The following FYB2 variants were observed in gnomAD, a reference collection of about 807,000 sequenced individuals.
FYB2 encodes FYN-binding protein 2.
FYB2 carries 103 observed loss-of-function variants against 94.1 expected under a neutral mutation model. The observed-to-expected ratio is 1.09, with a 90% CI of 0.93 to 1.29. FYB2 has a LOEUF of 1.29. Among genes scored for constraint, FYB2 ranks in the 50% most tolerant of loss-of-function variants. FYB2 has a pLI of 0.00. For missense variants in FYB2, 896 were observed against 841.5 expected, an observed-to-expected ratio of 1.06 and a Z score of -0.80; for synonymous variants, 293 against 287.9, an observed-to-expected ratio of 1.02 and a Z score of -0.18.
chr1:56,746,187 G>C (rs1346432236), intron 9 of FYB2, among the ~76,000 whole-genome samples: 1 of 151,918 alleles, frequency 6.6e-6, no homozygotes, highest in East Asian at 1.9e-4. Context: ...ATTTTTGCCT[G>C]TTCACTGCTA....
chr1:56,791,943 G>A, intron 2 of FYB2, 113 bp downstream of exon 2: 2 of 1,412,360 alleles, frequency 1.4e-6, no homozygotes, highest in Admixed American at 2.5e-5. Flanking sequence ...TGGAGAGTCT[G>A]GAGCCACATT....
chr1:56,813,130 C>T (rs1406732940), intron 1 of FYB2, among the ~76,000 whole-genome samples: 2 of 152,162 alleles, frequency 1.3e-5, no homozygotes, highest in African/African-American at 4.8e-5. Context: ...TCTCTCCAGG[C>T]TCAAATTCCC....
intron 5 of FYB2, among the ~76,000 whole-genome samples, chr1:56,759,736 T>C (rs1313759369): frequency 6.6e-6 from 1 of 152,092 alleles, no homozygotes; most frequent in Non-Finnish European, 1.5e-5. Flanking sequence ...TCTATAAAAA[T>C]TGACCAATTG....
At chr1:56,739,604 G>C (rs6588649) in intron 13 of FYB2, among the ~76,000 whole-genome samples, 34,098 of 151,952 alleles carry the variant, frequency 0.22, 4,740 homozygotes, top group African/African-American at 0.39. Flanking sequence ...CTACACAGAT[G>C]TTCCCAGCCT....
chr1:56,789,135 C>A lies in FYB2; in HGVS notation c.758-1G>T, dbSNP rs1297880982. On this transcript the variant is annotated splice_acceptor_variant, in intron 2 of 19. Transcript: ENST00000343433. LOFTEE classifies it high-confidence loss of function. ...TGATGCCTGACATCTGGCTGTTTTTCTGAACACAAGACAGTAAAAAATGTA... is the reference window on the plus strand; with the variant it reads ...TGATGCCTGACATCTGGCTGTTTTTATGAACACAAGACAGTAAAAAATGTA... The A allele has an allele frequency of 1.3e-6, 2 of 1,577,468 alleles. No individual in the cohort carries two copies. The highest frequency in any genetic ancestry group is 1.7e-6 in the Non-Finnish European group (2 of 1,164,496).
chr1:56,739,465 C>G (rs1644902433), intron 13 of FYB2, among the ~76,000 whole-genome samples: 1 of 152,014 alleles, frequency 6.6e-6, no homozygotes, highest in African/African-American at 2.4e-5. Flanking sequence ...CCACAAAACT[C>G]TGAGGCTTTA....
At position 56,792,596 on chromosome 1, in the gene FYB2, G is replaced by T. The variant is rs1646297242; in HGVS notation, c.217C>A (p.Pro73Thr). 1.9e-6 allele frequency: 3 copies of T among 1,613,970 alleles called. No homozygotes were observed. The African/African-American group carries it at 4.0e-5, about 22-fold the overall frequency. ...AACTTTATTTTCTGAGGTTGAAGAG[G>T]CTGGGACTCACTACTGGAACAGTAT... ...TPYCSSSESQPLQPQKIKLAQ... is the reference protein window; with the variant it reads ...TPYCSSSESQTLQPQKIKLAQ... Residue 73 changes from proline (P) to threonine (T), a missense_variant, in exon 2 of 20, where the codon CCT (proline) becomes ACT (threonine). By Grantham distance (38) the Pro-to-Thr change is conservative. Coordinates refer to ENST00000343433, the MANE Select transcript of FYB2 (RefSeq NM_001004303.5).
At position 56,819,326 on chromosome 1, in the gene FYB2, C is replaced by A; in HGVS notation, c.-36G>T. Reference sequence around the variant, plus strand: ...CAAGGCAGAGTCAGGGAAACAAGCCCAGCCTCTCAGAGCTGGGTCCTGGGG... The same window carrying A: ...CAAGGCAGAGTCAGGGAAACAAGCCAAGCCTCTCAGAGCTGGGTCCTGGGG... On this transcript the variant is annotated 5_prime_UTR_variant, in exon 1 of 20. Coordinates refer to ENST00000343433, the MANE Select transcript of FYB2 (RefSeq NM_001004303.5). 6.2e-7 allele frequency: 1 copy of A among 1,614,062 alleles called. No individual in the cohort carries two copies. Among genetic ancestry groups the A allele is most frequent in the Non-Finnish European group, 8.5e-7 (1 of 1,180,006 alleles).
intron 3 of FYB2, chr1:56,788,761 A>C (rs1056846812): frequency 1.7e-6 from 1 of 605,562 alleles, no homozygotes; most frequent in Non-Finnish European, 2.9e-6. Context: ...CAGTGCTCTC[A>C]GGGGAAGTGG....
At chr1:56,787,662 C>T (rs1646163896) in intron 3 of FYB2, among the ~76,000 whole-genome samples, 2 of 152,148 alleles carry the variant, frequency 1.3e-5, no homozygotes, top group Non-Finnish European at 2.9e-5. Flanking sequence ...TCAGTGGTAT[C>T]CCCATTTTAC....
intron 9 of FYB2, among the ~76,000 whole-genome samples, chr1:56,744,777 A>G (rs1645033166): frequency 6.6e-6 from 1 of 151,966 alleles, no homozygotes; most frequent in South Asian, 2.1e-4. Context: ...CAGGTTAACA[A>G]ATGTATAGGG....
upstream of FYB2, among the ~76,000 whole-genome samples, chr1:56,822,523 C>T (rs4912228): frequency 0.44 from 66,173 of 151,960 alleles, 15,275 homozygotes; most frequent in East Asian, 0.58. Flanking sequence ...GCAGGGATGA[C>T]GTGCCATACT....
chr1:56,767,033 G>C (rs1278000365), intron 5 of FYB2, among the ~76,000 whole-genome samples: 1 of 152,118 alleles, frequency 6.6e-6, no homozygotes. Context: ...CAATCTTTCT[G>C]ATGTTCAGTT....
chr1:56,737,323 T>C (rs541488463), intron 14 of FYB2, 176 bp from the exon 15 acceptor site: 2 of 440,110 alleles, frequency 4.5e-6, no homozygotes, highest in South Asian at 1.1e-4. Context: ...AAATATTCTC[T>C]ATTTGGGAAG....
chr1:56,720,266 T>G lies in FYB2; in HGVS notation c.2038A>C (p.Ile680Leu). The change falls in exon 18 of 20, where the codon ATA becomes CTA. Residue 680 changes from isoleucine (I) to leucine (L), a missense_variant. Physicochemically the swap from Ile to Leu is conservative, Grantham distance 5. Transcript: ENST00000343433. ...CCAGGACTTATTGGCAAATCAAATA[T>G]TCCATTTCTTGAATTATTGGAACAG... Reference protein sequence around the residue: ...VACSNNSRNGIFDLPISPGEE... With the variant: ...VACSNNSRNGLFDLPISPGEE... 6.2e-7 allele frequency: 1 copy of G among 1,612,108 alleles called. No homozygotes were observed. Among genetic ancestry groups the G allele is most frequent in the South Asian group, 1.1e-5 (1 of 90,922 alleles).
chr1:56,776,732 C>T (rs979461196), intron 4 of FYB2, among the ~76,000 whole-genome samples: 3 of 152,156 alleles, frequency 2.0e-5, no homozygotes, highest in African/African-American at 7.2e-5. Flanking sequence ...TAAATAGGAG[C>T]CTGGTCTCCT....
At chr1:56,731,702 A>G (rs1325363630) in intron 15 of FYB2, among the ~76,000 whole-genome samples, 2 of 152,170 alleles carry the variant, frequency 1.3e-5, no homozygotes, top group East Asian at 3.9e-4. Flanking sequence ...TAGGCAAATC[A>G]ATAAATGTGA....
At chr1:56,799,548 T>C (rs1457796383) in intron 1 of FYB2, among the ~76,000 whole-genome samples, 1 of 152,232 alleles carries the variant, frequency 6.6e-6, no homozygotes, top group Admixed American at 6.5e-5. Flanking sequence ...ATAAATTACA[T>C]GGCCATTGTG....
At chr1:56,752,805 A>G (rs989082510) in intron 8 of FYB2, among the ~76,000 whole-genome samples, 2 of 152,204 alleles carry the variant, frequency 1.3e-5, no homozygotes, top group Admixed American at 1.3e-4. Context: ...CCACATAGCC[A>G]GCATTGAAAA....
Sources: allele counts gnomAD v4.1 joint callset (sites outside exome capture counted in the v4.1 genomes callset), GRCh38; gene constraint gnomAD v4.1.1; transcripts MANE v1.5; gene names NCBI Gene and HGNC (gene_info 2026-07-23, HGNC 2026-07-21).